ANKRD50: variants seen among roughly 807,000 people sequenced by gnomAD.
ANKRD50 encodes the protein ankyrin repeat domain-containing protein 50.
ANKRD50 carries 40 observed loss-of-function variants against 112.0 expected under a neutral mutation model. The ratio of observed to expected loss-of-function variants is 0.36; its 90% CI spans 0.28 to 0.46. The LOEUF (loss-of-function observed/expected upper bound fraction) is 0.46. Among genes scored for constraint, ANKRD50 ranks in the 20% least tolerant of loss-of-function variants. ANKRD50 has a pLI of 1.00. For synonymous variants in ANKRD50, 613 were observed against 619.1 expected (o/e 0.99, Z 0.15); for missense variants, 1,487 against 1,701.7 (o/e 0.87, Z 2.22).
chr4:124,668,044 T>A (rs965153337), intron 4 of ANKRD50, among the ~76,000 whole-genome samples: 3 of 151,890 alleles, frequency 2.0e-5, no homozygotes, highest in African/African-American at 7.2e-5. Context: ...GTGGGATAAA[T>A]ATAGCTGCAG....
chr4:124,705,589 C>T (rs926827176), intron 2 of ANKRD50, among the ~76,000 whole-genome samples: 6 of 152,122 alleles, frequency 3.9e-5, no homozygotes, highest in African/African-American at 9.7e-5. Context: ...ATCTCCAAAA[C>T]GATTTCTGTT....
chr4:124,687,836 G>T (rs529543623), intron 2 of ANKRD50, among the ~76,000 whole-genome samples: 1 of 152,286 alleles, frequency 6.6e-6, no homozygotes, highest in African/African-American at 2.4e-5. Context: ...TATTAGAATT[G>T]TGCAAATAAG....
intron 2 of ANKRD50, among the ~76,000 whole-genome samples, chr4:124,689,588 T>C (rs1226018994): frequency 6.6e-6 from 1 of 152,158 alleles, no homozygotes; most frequent in Non-Finnish European, 1.5e-5. Context: ...CTGCACGAGG[T>C]GGGACAGCAG....
At chr4:124,668,149 T>C (rs929400295) in intron 4 of ANKRD50, among the ~76,000 whole-genome samples, 9 of 151,922 alleles carry the variant, frequency 5.9e-5, no homozygotes, top group African/African-American at 1.7e-4. Context: ...AAAACTTACA[T>C]ACCTATTTTC....
intron 2 of ANKRD50, among the ~76,000 whole-genome samples, chr4:124,708,705 CACACACACACACACAT>C (rs1468888274): frequency 1.3e-5 from 2 of 151,316 alleles, no homozygotes; most frequent in East Asian, 1.9e-4. Flanking sequence ...CACACACACA[CACACACACACACACAT>C]ACACACACAC....
Position 124,669,428 on chromosome 4 carries a change from C to T in ANKRD50, c.3849G>A (p.Gly1283=), listed in dbSNP as rs774979224. ...AAGAATTACTTTGTTTCGCTTTTTT[C>T]CCAGCTGATCCAGACTTGGCAGAAT... ...SENSAKSGSA[G]KKAKQSNSSQ... Residue 1283 remains glycine (G), a synonymous_variant, in exon 4 of 5, where the codon GGG becomes GGA. Transcript: ENST00000504087. 6 of 1,612,398 alleles carry T rather than the reference C, an allele frequency of 3.7e-6. No homozygotes were observed. Among genetic ancestry groups the T allele is most frequent in the Non-Finnish European group, 5.1e-6 (6 of 1,179,530 alleles).
chr4:124,669,268 G>C lies in ANKRD50; in HGVS notation c.4009C>G (p.Gln1337Glu). ...QCKIMIPSAQ[Q>E]EIGRSQQQFL... ...TGCTGTTGAGATCGACCAATTTCCT[G>C]CTGAGCTGAAGGTATCATAATTTTG... is the stretch of plus-strand genomic sequence containing the variant. Residue 1337 changes from glutamine to glutamate, a missense_variant, in exon 4 of 5, where the codon CAG (glutamine) becomes GAG (glutamate). Around this residue, in one of 2 missense-constraint regions of ANKRD50, gnomAD observed 441 missense variants for 432.2 expected, o/e 1.02. Transcript: ENST00000504087. 6.2e-7 allele frequency: 1 copy of C among 1,613,750 alleles called. No homozygotes were observed. The highest frequency in any genetic ancestry group is 2.2e-5 in the East Asian group (1 of 44,850).
At chr4:124,685,942 A>C (rs1007133172) in intron 2 of ANKRD50, among the ~76,000 whole-genome samples, 1 of 152,148 alleles carries the variant, frequency 6.6e-6, no homozygotes, top group South Asian at 2.1e-4. Flanking sequence ...TTTGAAGTAG[A>C]TATACATTGA....
At chr4:124,709,764 T>C (rs1725586587) in intron 2 of ANKRD50, among the ~76,000 whole-genome samples, 1 of 152,192 alleles carries the variant, frequency 6.6e-6, no homozygotes, top group Non-Finnish European at 1.5e-5. Context: ...ATTATGTTAT[T>C]AAGTAAAATT....
chr4:124,699,995 G>C (rs1306866137), intron 2 of ANKRD50, among the ~76,000 whole-genome samples: 1 of 152,148 alleles, frequency 6.6e-6, no homozygotes, highest in Non-Finnish European at 1.5e-5. Flanking sequence ...AAAGTCAAAA[G>C]AAACAAATGC....
chr4:124,708,523 C>G (rs1394137034), intron 2 of ANKRD50, among the ~76,000 whole-genome samples: 3 of 152,048 alleles, frequency 2.0e-5, no homozygotes, highest in African/African-American at 7.2e-5. Context: ...CCATCCCTAA[C>G]TCTCATTCTA....
Position 124,669,477 on chromosome 4 carries a change from GC to G in ANKRD50, c.3799del (p.Ala1267GlnfsTer31). The G allele has an allele frequency of 6.2e-7, 1 of 1,611,714 alleles. No individual in the cohort carries two copies. The highest frequency in any genetic ancestry group is 8.5e-7 in the Non-Finnish European group (1 of 1,179,464). On this transcript the variant is annotated frameshift_variant, in exon 4 of 5. Transcript: ENST00000504087. LOFTEE classifies it high-confidence loss of function. ...QVKPSLKSTK[A>X]SKGGKSENSA... Reference sequence around the variant, plus strand: ...ATTTTCTGATTTCCCCCCTTTACTTGCTTTAGTTGACTTCAAACTGGGCTTT... The same window carrying G: ...ATTTTCTGATTTCCCCCCTTTACTTGTTTAGTTGACTTCAAACTGGGCTTT...
chr4:124,678,614 C>G (rs1326071862), intron 3 of ANKRD50, 62 bp downstream of exon 3: 3 of 1,453,974 alleles, frequency 2.1e-6, no homozygotes, highest in African/African-American at 2.8e-5. Context: ...ATACTTTTTC[C>G]TCTAAGAAAC....
chr4:124,669,884 T>C lies in ANKRD50; in HGVS notation c.3393A>G (p.Leu1131=). The change falls in exon 4 of 5, where the codon TTA becomes TTG. Residue 1131 remains leucine, a synonymous_variant. Transcript: ENST00000504087. ...TACCAGAGCTATTTGATTTAATTGTTAATGACTGCACTTTTGAAGACAATG... is the reference window on the plus strand; with the variant it reads ...TACCAGAGCTATTTGATTTAATTGTCAATGACTGCACTTTTGAAGACAATG... ...LQSLSSKVQS[L]TIKSNSSGST... is the part of the protein sequence containing the mutation. 1 of 1,613,370 alleles carries C rather than the reference T, an allele frequency of 6.2e-7. No individual in the cohort carries two copies. Among genetic ancestry groups the C allele is most frequent in the Non-Finnish European group, 8.5e-7 (1 of 1,179,756 alleles).
chr4:124,697,217 A>G (rs1033475314), intron 2 of ANKRD50, among the ~76,000 whole-genome samples: 4 of 152,178 alleles, frequency 2.6e-5, no homozygotes, highest in Non-Finnish European at 5.9e-5. Flanking sequence ...TGGCTGCATA[A>G]ATAATATTGG....
At chr4:124,709,472 A>G (rs574755459) in intron 2 of ANKRD50, among the ~76,000 whole-genome samples, 1 of 152,210 alleles carries the variant, frequency 6.6e-6, no homozygotes, top group South Asian at 2.1e-4. Flanking sequence ...TCTAAATACC[A>G]GTTTTTCAAT....
intron 2 of ANKRD50, among the ~76,000 whole-genome samples, chr4:124,683,904 C>CTTTTT (rs5861676): frequency 6.3e-5 from 7 of 111,788 alleles, no homozygotes; most frequent in Non-Finnish European, 1.2e-4. Flanking sequence ...ATACATCAGT[C>CTTTTT]TTTTTTTTTT....
intron 2 of ANKRD50, among the ~76,000 whole-genome samples, chr4:124,698,275 C>T (rs150866576): frequency 6.6e-6 from 1 of 152,096 alleles, no homozygotes; most frequent in African/African-American, 2.4e-5. Context: ...TAATGTAAGG[C>T]AGACTATGTA....
In ANKRD50 at chr4:124,664,557, A is replaced by G. The variant is rs1578565303; in HGVS notation, c.*2961T>C. 6.6e-6 allele frequency: 1 copy of G among 152,438 alleles called. No homozygotes were observed. Among genetic ancestry groups the G allele is most frequent in the African/African-American group, 2.4e-5 (1 of 41,432 alleles). The allele number at this position is 152,438 out of a possible 1,614,324, so 9.4% of individuals were successfully genotyped here. A position where few individuals can be genotyped will look rare whatever the true frequency, so the allele number is the denominator to read the frequency against. Reference sequence around the variant, plus strand: ...TTTTTTGAGTAATATCATACAAGGGATAAAATAAAACTTTTACAATGTGAA... The same window carrying G: ...TTTTTTGAGTAATATCATACAAGGGGTAAAATAAAACTTTTACAATGTGAA... On this transcript the variant is annotated 3_prime_UTR_variant, in exon 5 of 5. Transcript: ENST00000504087.
Sources: gnomAD v4.1 joint callset for allele counts (sites outside exome capture counted in the v4.1 genomes callset) on GRCh38, gnomAD v4.1.1 for gene constraint, gnomAD v4.1.1 regional missense constraint, MANE v1.5 for transcripts, NCBI Gene and HGNC (gene_info 2026-07-23, HGNC 2026-07-21) for gene names.